DUS2: variants seen among roughly 807,000 people sequenced by gnomAD.
DUS2 encodes the protein dihydrouridine synthase 2.
In DUS2, 52 loss-of-function variants were observed where a neutral mutation model predicts 71.3. The observed-to-expected ratio is 0.73, with a 90% CI of 0.58 to 0.92. The LOEUF (loss-of-function observed/expected upper bound fraction) is 0.92, where lower values mean the gene tolerates loss of function less well. Among genes scored for constraint, DUS2 ranks in the 40% least tolerant of loss-of-function variants. The pLI, the probability that DUS2 is intolerant of heterozygous loss-of-function variation, is 0.00. For missense variants in DUS2, 558 were observed against 622.6 expected (o/e 0.90, Z 1.10); for synonymous variants, 204 against 227.8 (o/e 0.90, Z 0.94).
intron 10 of DUS2, among the ~76,000 whole-genome samples, chr16:68,068,537 A>G (rs2034039888): frequency 6.6e-6 from 1 of 151,626 alleles, no homozygotes; most frequent in Non-Finnish European, 1.5e-5. Context: ...GAGATTGTGA[A>G]TATAAATCCT....
intron 7 of DUS2, among the ~76,000 whole-genome samples, chr16:68,057,207 T>C (rs1217690532): frequency 7.0e-6 from 1 of 143,398 alleles, no homozygotes; most frequent in Non-Finnish European, 1.5e-5. Context: ...CATATATAAA[T>C]GTATATAATT....
chr16:68,063,617 G>T (rs1415318004), intron 8 of DUS2, among the ~76,000 whole-genome samples: 1 of 152,196 alleles, frequency 6.6e-6, no homozygotes, highest in Non-Finnish European at 1.5e-5. Context: ...CTTGGGGTGA[G>T]TAGGGGTGGA....
At chr16:68,029,304 GTTTTTAA>G (rs1482823108) in intron 2 of DUS2, among the ~76,000 whole-genome samples, 5 of 151,672 alleles carry the variant, frequency 3.3e-5, no homozygotes, top group Non-Finnish European at 5.9e-5. Flanking sequence ...TTTAATTTTT[GTTTTTAA>G]TTTTTATTTT....
At chr16:68,044,073 A>T (rs1220466846) in intron 3 of DUS2, among the ~76,000 whole-genome samples, 1 of 152,066 alleles carries the variant, frequency 6.6e-6, no homozygotes, top group Non-Finnish European at 1.5e-5. Flanking sequence ...CCAGTACCAC[A>T]GCCTTTTTTT....
intron 12 of DUS2, among the ~76,000 whole-genome samples, chr16:68,072,644 G>A (rs116670584): frequency 0.036 from 5,491 of 152,242 alleles, 103 homozygotes; most frequent in Middle Eastern, 0.15. Flanking sequence ...TGAGCGTGCC[G>A]TGGCACTTTC....
chr16:68,034,282 C>G (rs2033484638), intron 2 of DUS2, among the ~76,000 whole-genome samples: 1 of 152,164 alleles, frequency 6.6e-6, no homozygotes, highest in Non-Finnish European at 1.5e-5. Context: ...CCAGGCTAAT[C>G]TCCAACTCCA....
intron 12 of DUS2, among the ~76,000 whole-genome samples, chr16:68,072,096 C>T (rs938081886): frequency 6.6e-6 from 1 of 152,198 alleles, no homozygotes; most frequent in African/African-American, 2.4e-5. Context: ...GAGTTCCACC[C>T]TCCTCTTCAG....
chr16:68,033,604 C>G (rs1377393323), intron 2 of DUS2, among the ~76,000 whole-genome samples: 2 of 150,218 alleles, frequency 1.3e-5, no homozygotes, highest in Non-Finnish European at 3.0e-5. Flanking sequence ...CCAACTTCAT[C>G]CTCCCAAGTA....
At chr16:68,061,974 C>T (rs2151422374) in intron 8 of DUS2, among the ~76,000 whole-genome samples, 1 of 151,790 alleles carries the variant, frequency 6.6e-6, no homozygotes, top group East Asian at 1.9e-4. Flanking sequence ...TTCCCATGTG[C>T]AGCCAGAGAT....
chr16:68,029,570 C>A (rs376324876), intron 2 of DUS2, among the ~76,000 whole-genome samples: 1 of 151,986 alleles, frequency 6.6e-6, no homozygotes, highest in East Asian at 2.0e-4. Context: ...CCTCAGCCCC[C>A]CAAGTAGGTG....
intron 2 of DUS2, chr16:68,026,935 A>G (rs1312069221): frequency 6.7e-6 from 1 of 149,906 alleles, no homozygotes; most frequent in Middle Eastern, 3.3e-3. Context: ...CTCAAAAGCC[A>G]TTCATGAATC....
At chr16:68,060,115 T>C (rs770201167) in intron 7 of DUS2, among the ~76,000 whole-genome samples, 1 of 152,174 alleles carries the variant, frequency 6.6e-6, no homozygotes, top group South Asian at 2.1e-4. Flanking sequence ...TTGAGTATGA[T>C]AGGAAGAAGG....
intron 3 of DUS2, among the ~76,000 whole-genome samples, chr16:68,047,076 A>G (rs1210317041): frequency 1.9e-4 from 6 of 31,332 alleles, no homozygotes; most frequent in African/African-American, 4.5e-4. Flanking sequence ...TTTTTTTTTG[A>G]GATGGAGTCT....
At chr16:68,077,391 A>G (rs1262375850) in intron 15 of DUS2, 1 of 149,740 alleles carries the variant, frequency 6.7e-6, no homozygotes, top group African/African-American at 2.5e-5. Context: ...TTATTTAATT[A>G]TTTATTTATT....
At position 68,070,166 on chromosome 16, in the gene DUS2, G is replaced by C; in HGVS notation, c.587G>C (p.Ser196Thr). ...KREERPQHPV[S>T]CEVIKAIADT... ...GAGGAGCGACCTCAGCATCCTGTCAGCTGTGAAGTCATCAAAGCCATTGCT... is the reference window on the plus strand; with the variant it reads ...GAGGAGCGACCTCAGCATCCTGTCACCTGTGAAGTCATCAAAGCCATTGCT... The change falls in exon 11 of 17, where the codon AGC becomes ACC. Residue 196 changes from serine (S) to threonine (T), a missense_variant. Ser to Thr is a moderately conservative substitution (Grantham distance 58). Transcript: ENST00000565263. 3 of 1,614,152 alleles carry C rather than the reference G, an allele frequency of 1.9e-6. No individual in the cohort carries two copies. The highest frequency in any genetic ancestry group is 2.5e-6 in the Non-Finnish European group (3 of 1,180,014).
At chr16:68,065,802 CTTTTT>C (rs77022946) in intron 8 of DUS2, among the ~76,000 whole-genome samples, 11 of 141,868 alleles carry the variant, frequency 7.8e-5, no homozygotes, top group East Asian at 4.1e-4. Context: ...TTTTTTCTTA[CTTTTT>C]TTTTTTTTTT....
At chr16:68,066,192 C>A in intron 8 of DUS2, 125 bp from the exon 9 acceptor site, 1 of 840,598 alleles carries the variant, frequency 1.2e-6, no homozygotes, top group Non-Finnish European at 2.0e-6. Context: ...CACACACATG[C>A]ATTCACACAT....
intron 3 of DUS2, among the ~76,000 whole-genome samples, chr16:68,041,767 G>A (rs114257440): frequency 0.028 from 4,150 of 147,986 alleles, 179 homozygotes; most frequent in African/African-American, 0.096. Context: ...TGCCCAGTGC[G>A]CCATTGCACT....
At chr16:68,053,690 CTCACCATCCCCTGGGATTTCCCAA>C in intron 5 of DUS2, 35 bp downstream of exon 5, 1 of 1,608,180 alleles carries the variant, frequency 6.2e-7, no homozygotes, top group Non-Finnish European at 8.5e-7. Flanking sequence ...CCTCCTGAGG[CTCACCATCCCCTGGGATTTCCCAA>C]CTCATGCCCT....
Sources: allele counts gnomAD v4.1 joint callset (sites outside exome capture counted in the v4.1 genomes callset), GRCh38; gene constraint gnomAD v4.1.1; transcripts MANE v1.5; gene names NCBI Gene and HGNC (gene_info 2026-07-23, HGNC 2026-07-21).